Variants in GDAP1 observed in about 807,000 individuals in gnomAD.
GDAP1 encodes ganglioside induced differentiation associated protein 1.
In GDAP1, 34 loss-of-function variants were observed where a neutral mutation model predicts 40.1. The observed-to-expected ratio is 0.85, with a 90% confidence interval of 0.64 to 1.13. The LOEUF (loss-of-function observed/expected upper bound fraction) is 1.13, where lower values mean the gene tolerates loss of function less well. Among genes scored for constraint, GDAP1 ranks in the 50% most tolerant of loss-of-function variants. GDAP1 has a pLI of 0.00. For missense variants in GDAP1, 374 were observed against 433.7 expected, an observed-to-expected ratio of 0.86 and a Z score of 1.22; for synonymous variants, 170 against 157.4, an observed-to-expected ratio of 1.08 and a Z score of -0.60.
At chr8:74,372,289 T>C (rs1809767842) in intron 2 of GDAP1, among the ~76,000 whole-genome samples, 1 of 152,214 alleles carries the variant, frequency 6.6e-6, no homozygotes, top group African/African-American at 2.4e-5. Flanking sequence ...TACCCGGTAA[T>C]GGGATGGCTG....
chr8:74,384,122 C>A (rs1042269706), intron 2 of GDAP1, among the ~76,000 whole-genome samples: 1 of 152,036 alleles, frequency 6.6e-6, no homozygotes, highest in African/African-American at 2.4e-5. Context: ...TTAAAACATT[C>A]TGATGTTTAT....
At chr8:74,462,376 C>T (rs1806411887) in intron 2 of GDAP1, among the ~76,000 whole-genome samples, 1 of 152,290 alleles carries the variant, frequency 6.6e-6, no homozygotes, top group African/African-American at 2.4e-5. Flanking sequence ...GGCCTGTGAG[C>T]ATTTCCTTCA....
intron 2 of GDAP1, among the ~76,000 whole-genome samples, 175 bp downstream of exon 2, chr8:74,351,641 T>C (rs1808881240): frequency 6.6e-6 from 1 of 152,228 alleles, no homozygotes; most frequent in African/African-American, 2.4e-5. Flanking sequence ...CAATAACAAA[T>C]TTTGTATAGG....
rs189301737 is a variant in GDAP1 at position 74,403,197 on chromosome 8, A to G, written c.165+51876A>G. Among the ~76,000 whole-genome samples, 41 of 150,166 alleles carry G rather than the reference A, an allele frequency of 2.7e-4. 8 individuals are homozygous for G. The highest frequency in any genetic ancestry group is 1.0e-3 in the African/African-American group (40 of 39,478). On this transcript the variant is annotated intron_variant, in intron 2 of 2. Coordinates refer to the GDAP1 transcript ENST00000523640. ...TTTAAATATTTCATTTAGTTTGACT[A>G]CACTGGGTTTTTAAAAATGATATAG...
intron 2 of GDAP1, among the ~76,000 whole-genome samples, chr8:74,487,375 C>T (rs1488298269): frequency 1.3e-5 from 2 of 152,122 alleles, no homozygotes; most frequent in East Asian, 3.8e-4. Context: ...TTCTTTCCAT[C>T]CTGGCTTCCA....
intron 2 of GDAP1, among the ~76,000 whole-genome samples, chr8:74,465,920 T>G (rs1210649694): frequency 1.3e-5 from 2 of 152,212 alleles, no homozygotes; most frequent in Admixed American, 6.5e-5. Context: ...TAACAACTTA[T>G]TAGCTATTTT....
chr8:74,387,848 T>C (rs1810048279), intron 2 of GDAP1, among the ~76,000 whole-genome samples: 1 of 152,218 alleles, frequency 6.6e-6, no homozygotes, highest in South Asian at 2.1e-4. Flanking sequence ...AATTACTGCC[T>C]CAGTTTCAGA....
chr8:74,471,624 C>A (rs1806557715), intron 2 of GDAP1, among the ~76,000 whole-genome samples: 1 of 152,030 alleles, frequency 6.6e-6, no homozygotes, highest in Non-Finnish European at 1.5e-5. Flanking sequence ...GAGACCATTA[C>A]CAAAATCAGG....
intron 2 of GDAP1, among the ~76,000 whole-genome samples, chr8:74,453,202 A>G (rs1806305664): frequency 1.2e-5 from 1 of 83,970 alleles, no homozygotes; most frequent in Non-Finnish European, 2.4e-5. Flanking sequence ...TTCAGGGGCA[A>G]ACATGGGAGA....
At chr8:74,362,099 G>C (rs993357236) in intron 4 of GDAP1, 121 bp downstream of exon 4, 13 of 570,892 alleles carry the variant, frequency 2.3e-5, no homozygotes, top group Non-Finnish European at 3.9e-5. Flanking sequence ...CAGTACACAT[G>C]TTACCTTTGG....
At chr8:74,385,628 G>T (rs895967842) in intron 2 of GDAP1, among the ~76,000 whole-genome samples, 6 of 152,134 alleles carry the variant, frequency 3.9e-5, no homozygotes, top group African/African-American at 1.4e-4. Context: ...GAACAGTGCT[G>T]CAATAAACAT....
chr8:74,412,242 T>C (rs1055503460), intron 2 of GDAP1, among the ~76,000 whole-genome samples: 1 of 150,020 alleles, frequency 6.7e-6, no homozygotes, highest in Non-Finnish European at 1.5e-5. Flanking sequence ...GGAAAATTTA[T>C]TTGAAGAATT....
chr8:74,474,802 C>T (rs1377785313), intron 2 of GDAP1, among the ~76,000 whole-genome samples: 1 of 152,010 alleles, frequency 6.6e-6, no homozygotes, highest in Non-Finnish European at 1.5e-5. Flanking sequence ...ATGATGATGG[C>T]CTTATAGAAT....
intron 4 of GDAP1, among the ~76,000 whole-genome samples, chr8:74,362,449 C>G (rs1267326000): frequency 6.6e-6 from 1 of 152,140 alleles, no homozygotes; most frequent in Non-Finnish European, 1.5e-5. Flanking sequence ...CACTCCCAAC[C>G]CTCCCCAACT....
chr8:74,478,053 G>A (rs989153033), intron 2 of GDAP1, among the ~76,000 whole-genome samples: 3 of 138,774 alleles, frequency 2.2e-5, no homozygotes, highest in African/African-American at 5.4e-5. Context: ...CGGCTTTACT[G>A]TTCTTTTTGC....
chr8:74,357,197 A>T (rs192781050), intron 2 of GDAP1, among the ~76,000 whole-genome samples: 4 of 152,182 alleles, frequency 2.6e-5, no homozygotes, highest in African/African-American at 9.7e-5. Flanking sequence ...AGTAAGGGAG[A>T]CTTGAAAGTT....
chr8:74,439,142 T>A (rs971213772), intron 2 of GDAP1, among the ~76,000 whole-genome samples: 3 of 152,100 alleles, frequency 2.0e-5, no homozygotes, highest in Non-Finnish European at 4.4e-5. Flanking sequence ...CTTTTTGTGA[T>A]TTAAAATATC....
chr8:74,420,023 C>G (rs142856711), intron 2 of GDAP1, among the ~76,000 whole-genome samples: 98 of 152,258 alleles, frequency 6.4e-4, no homozygotes, highest in African/African-American at 2.1e-3. Flanking sequence ...CTATGTTTGT[C>G]CTTATGACAA....
rs1806402763 is a variant in GDAP1, at chr8:74,461,676, T to C, written c.166-27002T>C. Among the ~76,000 whole-genome samples, 3 of 152,246 alleles carry C rather than the reference T, an allele frequency of 2.0e-5. No individual in the cohort carries two copies. The South Asian group carries it at 6.2e-4, about 31-fold the overall frequency. ...CATGTTCCACATGTTTGGCATTGTATGGATAGATTCTGATTATGCTCTCAG... is the reference window on the plus strand; with the variant it reads ...CATGTTCCACATGTTTGGCATTGTACGGATAGATTCTGATTATGCTCTCAG... On this transcript the variant is annotated intron_variant, in intron 2 of 2. Coordinates refer to the GDAP1 transcript ENST00000523640.
Sources: allele counts gnomAD v4.1 joint callset (sites outside exome capture counted in the v4.1 genomes callset), GRCh38; gene constraint gnomAD v4.1.1; transcripts MANE v1.5; gene names NCBI Gene and HGNC (gene_info 2026-07-23, HGNC 2026-07-21).